The following C6 variants were observed in gnomAD, a reference collection of about 807,000 sequenced individuals.
C6 encodes complement component C6.
Under a neutral mutation model 112.9 loss-of-function variants are expected in C6, and 101 were observed. That is an observed-to-expected ratio of 0.89 (90% CI 0.76 to 1.06). C6 has a LOEUF of 1.06. Ranked by LOEUF, C6 falls within the 50% of genes least tolerant of loss-of-function variation. The probability of loss-of-function intolerance (pLI) is 0.00; values close to 1 mark genes in which losing one functional copy is unlikely to be tolerated. For missense variants in C6, 1,202 were observed against 1,104.6 expected (o/e 1.09, Z -1.25); for synonymous variants, 431 against 384.1 (o/e 1.12, Z -1.43).
chr5:41,142,966 G>A lies in C6; in HGVS notation c.2664C>T (p.Cys888=). 2 of 1,613,544 alleles carry A rather than the reference G, an allele frequency of 1.2e-6. No individual in the cohort carries two copies. Among genetic ancestry groups the A allele is most frequent in the Non-Finnish European group, 1.7e-6 (2 of 1,179,722 alleles). Residue 888 remains cysteine (C), a synonymous_variant, in exon 18 of 18, where the codon TGC becomes TGT. Transcript: ENST00000337836. ...SKCVCLLPPQ[C]FKGGNQLYCV... Reference sequence around the variant, plus strand: ...AGTAGAGTTGGTTTCCACCCTTGAAGCACTGTGGGGGCAATAGGCAGACAC... The same window carrying A: ...AGTAGAGTTGGTTTCCACCCTTGAAACACTGTGGGGGCAATAGGCAGACAC...
At position 41,142,637 on chromosome 5, in the gene C6, GGAACT is replaced by G; in HGVS notation, c.*183_*187del. 1.6e-6 allele frequency: 1 copy of G among 621,406 alleles called. No homozygotes were observed. The highest frequency in any genetic ancestry group is 2.4e-5 in the Admixed American group (1 of 41,980). The allele number at this position is 621,406 out of a possible 1,614,324, so 38.5% of individuals were successfully genotyped here. ...GGTATGCTACAGGGCGTCATGAGCT[GGAACT>G]GAATAAGACATGCCCAAACAGGAGA... On this transcript the variant is annotated 3_prime_UTR_variant, in exon 18 of 18. Transcript: ENST00000337836.
intron 9 of C6, among the ~76,000 whole-genome samples, chr5:41,163,599 C>T (rs1747734364): frequency 1.3e-5 from 2 of 152,196 alleles, no homozygotes; most frequent in African/African-American, 4.8e-5. Flanking sequence ...GTGTGAGCCA[C>T]TGCGCCCAGC....
chr5:41,195,880 T>C lies in C6; in HGVS notation c.499A>G (p.Asn167Asp). ...CTCCCACAGTCCCTTTCATCTGAATTGTCTCCACAGTCATTTTCTCCATTG... is the reference window on the plus strand; with the variant it reads ...CTCCCACAGTCCCTTTCATCTGAATCGTCTCCACAGTCATTTTCTCCATTG... ...ECNGENDCGD[N>D]SDERDCGRTK... The change falls in exon 5 of 18, where the codon AAT becomes GAT. Residue 167 changes from asparagine to aspartate, a missense_variant. Asn to Asp is a conservative substitution (Grantham distance 23). Coordinates refer to ENST00000337836, the MANE Select transcript of C6 (RefSeq NM_000065.5). 6.2e-7 allele frequency: 1 copy of C among 1,614,054 alleles called. No homozygotes were observed. The highest frequency in any genetic ancestry group is 1.1e-5 in the South Asian group (1 of 91,086).
At chr5:41,149,212 CA>C (rs760246142) in intron 17 of C6, 28 bp downstream of exon 17, 51 of 1,613,058 alleles carry the variant, frequency 3.2e-5, no homozygotes, top group Non-Finnish European at 4.2e-5. Flanking sequence ...TAAGTGAGAG[CA>C]TTTAGTATGG....
At chr5:41,163,333 A>T (rs1425341985) in intron 9 of C6, among the ~76,000 whole-genome samples, 5 of 100,416 alleles carry the variant, frequency 5.0e-5, no homozygotes, top group African/African-American at 9.4e-5. Context: ...TTTTTTTGAG[A>T]TAGAGGTCTC....
At chr5:41,210,967 G>A (rs1419092619) in intron 1 of C6, among the ~76,000 whole-genome samples, 1 of 152,168 alleles carries the variant, frequency 6.6e-6, no homozygotes, top group Admixed American at 6.5e-5. Flanking sequence ...ATTCACAATA[G>A]CAAAAACTTG....
At chr5:41,163,937 G>A (rs976288144) in intron 9 of C6, among the ~76,000 whole-genome samples, 1 of 152,006 alleles carries the variant, frequency 6.6e-6, no homozygotes, top group Non-Finnish European at 1.5e-5. Flanking sequence ...TTGACTTTAG[G>A]CAAATTGTCA....
chr5:41,247,448 AAAAAT>A (rs1284308332), intron 1 of C6, among the ~76,000 whole-genome samples: 12 of 152,308 alleles, frequency 7.9e-5, no homozygotes, highest in African/African-American at 2.9e-4. Flanking sequence ...ACAGAAAAGT[AAAAAT>A]AAAATAAAAT....
intron 1 of C6, among the ~76,000 whole-genome samples, chr5:41,241,210 C>T (rs1465670228): frequency 2.0e-5 from 3 of 152,086 alleles, no homozygotes; most frequent in South Asian, 2.1e-4. Flanking sequence ...CTGCTGGAGG[C>T]GGGGTGGGGT....
chr5:41,160,511 G>A (rs936653240), intron 10 of C6, 144 bp from the exon 11 acceptor site: 5 of 698,252 alleles, frequency 7.2e-6, no homozygotes, highest in Non-Finnish European at 1.0e-5. Context: ...TATTGCACCT[G>A]TTGAACCAGT....
chr5:41,147,706 C>T (rs927043014), intron 17 of C6, among the ~76,000 whole-genome samples: 26 of 152,084 alleles, frequency 1.7e-4, no homozygotes, highest in African/African-American at 6.3e-4. Context: ...GAAAATGTTC[C>T]ACAAAGGAAA....
chr5:41,199,595 A>G (rs906214272), intron 4 of C6, among the ~76,000 whole-genome samples, 173 bp downstream of exon 4: 3 of 152,216 alleles, frequency 2.0e-5, no homozygotes, highest in African/African-American at 7.2e-5. Context: ...CTGAAAAGCC[A>G]TAATTTTACA....
chr5:41,239,770 T>G (rs936583353), intron 1 of C6, among the ~76,000 whole-genome samples: 3 of 152,200 alleles, frequency 2.0e-5, no homozygotes, highest in African/African-American at 7.2e-5. Flanking sequence ...TTGGACTCCC[T>G]GAAGCATATC....
chr5:41,257,817 A>G (rs1741812819), intron 1 of C6, among the ~76,000 whole-genome samples: 1 of 152,058 alleles, frequency 6.6e-6, no homozygotes, highest in African/African-American at 2.4e-5. Flanking sequence ...CCACCGACAT[A>G]TTCCCTTTTT....
chr5:41,201,126 T>A lies in C6; in HGVS notation c.300+432A>T, dbSNP rs907335620. Among the ~76,000 whole-genome samples, 28 of 152,082 alleles carry A rather than the reference T, an allele frequency of 1.8e-4. 1 individual carries two copies. Among genetic ancestry groups the A allele is most frequent in the Admixed American group, 1.8e-3 (28 of 15,236 alleles). The stretch of plus-strand genomic sequence containing the variant: ...AAGGTATATCTGAAACATAAATGAA[T>A]TTCATGTTTAGACTGTGTCCCATCC... On this transcript the variant is annotated intron_variant, in intron 3 of 17. Transcript: ENST00000337836.
intron 1 of C6, among the ~76,000 whole-genome samples, chr5:41,227,508 C>T (rs1739595798): frequency 6.6e-6 from 1 of 151,922 alleles, no homozygotes; most frequent in South Asian, 2.1e-4. Context: ...CTTTTGGGGT[C>T]ACATCCAAAA....
intron 2 of C6, 33 bp downstream of exon 2, chr5:41,203,055 G>T: frequency 6.2e-7 from 1 of 1,611,926 alleles, no homozygotes; most frequent in Non-Finnish European, 8.5e-7. Flanking sequence ...GTCCTTCCAG[G>T]ACACAAAGAA....
At chr5:41,239,275 C>A (rs1048540834) in intron 1 of C6, among the ~76,000 whole-genome samples, 1 of 151,970 alleles carries the variant, frequency 6.6e-6, no homozygotes, top group Non-Finnish European at 1.5e-5. Flanking sequence ...CCACGCCCAG[C>A]TAATTTTTGT....
chr5:41,191,945 G>A (rs186948244), intron 5 of C6, among the ~76,000 whole-genome samples: 21 of 152,190 alleles, frequency 1.4e-4, no homozygotes, highest in South Asian at 1.0e-3. Flanking sequence ...GGACTATGCT[G>A]AATAACAGTG....
Sources: allele counts gnomAD v4.1 joint callset (sites outside exome capture counted in the v4.1 genomes callset), GRCh38; gene constraint gnomAD v4.1.1; transcripts MANE v1.5; gene names NCBI Gene and HGNC (gene_info 2026-07-23, HGNC 2026-07-21).